KNL1: variants seen among roughly 807,000 people sequenced by gnomAD.
KNL1 encodes outer kinetochore KNL1 complex subunit KNL1.
KNL1 carries 66 observed loss-of-function variants against 201.3 expected under a neutral mutation model. The ratio of observed to expected loss-of-function variants is 0.33; its 90% confidence interval spans 0.27 to 0.40. The LOEUF (loss-of-function observed/expected upper bound fraction) is 0.40, where lower values mean the gene tolerates loss of function less well. Ranked by LOEUF, KNL1 falls within the 10% of genes least tolerant of loss-of-function variation. The pLI is 1.00. For synonymous variants in KNL1, 895 were observed against 899.2 expected (o/e 1.00, Z 0.08); for missense variants, 2,815 against 2,690.5 (o/e 1.05, Z -1.02).
rs572970074 is a variant in KNL1, at chr15:40,606,819, G to T, written c.135+367G>T. On this transcript the variant is annotated intron_variant, in intron 4 of 25. Transcript: ENST00000399668. ...CTGTTGCCCAGACTGGAGTACAATG[G>T]TGCGATCATGGCTCACTGCAACCTC... is the stretch of plus-strand genomic sequence containing the variant. Among the ~76,000 whole-genome samples, 9 of 152,226 alleles carry T rather than the reference G, an allele frequency of 5.9e-5. No individual in the cohort carries two copies. In the East Asian group the frequency reaches 1.7e-3, roughly 29 times the overall value.
intron 4 of KNL1, among the ~76,000 whole-genome samples, chr15:40,606,823 G>A (rs8037881): frequency 0.012 from 1,872 of 152,178 alleles, 34 homozygotes; most frequent in African/African-American, 0.043. Context: ...ACAATGGTGC[G>A]ATCATGGCTC....
At chr15:40,613,130 C>T (rs1350740863) in intron 7 of KNL1, among the ~76,000 whole-genome samples, 1 of 151,548 alleles carries the variant, frequency 6.6e-6, no homozygotes, top group Non-Finnish European at 1.5e-5. Flanking sequence ...ACTATGCAGC[C>T]GGAAAAAAAA....
intron 17 of KNL1, among the ~76,000 whole-genome samples, chr15:40,647,772 TTTG>T (rs1368161974): frequency 1.3e-5 from 2 of 152,258 alleles, no homozygotes; most frequent in Non-Finnish European, 2.9e-5. Context: ...TCTTTCAGCA[TTTG>T]ACACTGATGA....
chr15:40,652,195 A>G, intron 21 of KNL1, 90 bp downstream of exon 21: 2 of 754,568 alleles, frequency 2.7e-6, no homozygotes, highest in Non-Finnish European at 4.4e-6. Context: ...TATACTGATA[A>G]CTATTGGCAT....
rs909177354 is a variant in KNL1, at chr15:40,622,011, G to C, written c.1747G>C (p.Gly583Arg). 6 of 1,613,940 alleles carry C rather than the reference G, an allele frequency of 3.7e-6. No individual in the cohort carries two copies. The highest frequency in any genetic ancestry group is 4.2e-6 in the Non-Finnish European group (5 of 1,179,976). The stretch of plus-strand genomic sequence containing the variant: ...GACTGAAAGTCACACAAGTAACTTA[G>C]GAAGTCAGGTTCCTCTTGCAGCTTA... ...DLTESHTSNL[G>R]SQVPLAAYNL... The change falls in exon 10 of 26, where the codon GGA becomes CGA. Residue 583 changes from glycine to arginine, a missense_variant. By Grantham distance (125) the Gly-to-Arg change is moderately radical. Transcript: ENST00000399668.
chr15:40,663,701 A>C lies in KNL1; in HGVS notation c.*1513A>C, dbSNP rs1893977398. ...TCATACATATTATTAAATGACCAAT[A>C]TTATGTATGAAGTAGACAAAAAAAT... On this transcript the variant is annotated 3_prime_UTR_variant, in exon 26 of 26. Transcript: ENST00000399668. 2 of 194,456 alleles carry C rather than the reference A, an allele frequency of 1.0e-5. No individual in the cohort carries two copies. Among genetic ancestry groups the C allele is most frequent in the Non-Finnish European group, 2.1e-5 (2 of 93,404 alleles). 12.0% of individuals were successfully genotyped at this position (194,456 alleles called of 1,614,324 possible). A position where few individuals can be genotyped will look rare whatever the true frequency, so the allele number is the denominator to read the frequency against.
Position 40,624,606 on chromosome 15 carries a change from G to A in KNL1, c.4342G>A (p.Asp1448Asn), listed in dbSNP as rs748595533. ...YVIPQPHFSTDQPPLPKKGQS... is the reference protein window; with the variant it reads ...YVIPQPHFSTNQPPLPKKGQS... The stretch of plus-strand genomic sequence containing the variant: ...TATTCCTCAGCCTCATTTCTCAACC[G>A]ACCAACCTCCATTACCTAAAAAAGG... The change falls in exon 10 of 26, where the codon GAC (aspartate) becomes AAC (asparagine). Residue 1448 changes from aspartate (D) to asparagine (N), a missense_variant. Around this residue, in one of 3 missense-constraint regions of KNL1, gnomAD observed 2,464 missense variants for 2,291.7 expected, o/e 1.08. Transcript: ENST00000399668. 8.7e-6 allele frequency: 14 copies of A among 1,613,632 alleles called. No individual in the cohort carries two copies. Among genetic ancestry groups the A allele is most frequent in the African/African-American group, 2.7e-5 (2 of 74,876 alleles).
chr15:40,651,973 G>T (rs375960767), intron 20 of KNL1, 32 bp from the exon 21 acceptor site: 1 of 1,502,214 alleles, frequency 6.7e-7, no homozygotes, highest in Non-Finnish European at 9.2e-7. Flanking sequence ...TTTTAAAAAC[G>T]CTTTTTAAAA....
intron 3 of KNL1, among the ~76,000 whole-genome samples, chr15:40,605,585 G>A (rs1891945097): frequency 6.6e-6 from 1 of 152,104 alleles, no homozygotes; most frequent in Non-Finnish European, 1.5e-5. Context: ...CTGAGTAGCT[G>A]GAATTACAAG....
intron 13 of KNL1, among the ~76,000 whole-genome samples, chr15:40,638,577 C>T (rs1461355362): frequency 6.6e-6 from 1 of 151,868 alleles, no homozygotes; most frequent in Non-Finnish European, 1.5e-5. Flanking sequence ...CTGCAACCTC[C>T]GCCTCCCGGG....
chr15:40,642,259 C>T lies in KNL1; in HGVS notation c.5798+1232C>T, dbSNP rs151059772. Among the ~76,000 whole-genome samples the T allele has an allele frequency of 4.5e-3, 679 of 152,008 alleles. 5 individuals carry two copies. Among genetic ancestry groups the T allele is most frequent in the East Asian group, 0.026 (134 of 5,142 alleles). On this transcript the variant is annotated intron_variant, in intron 14 of 25. Coordinates refer to ENST00000399668, the MANE Select transcript of KNL1 (RefSeq NM_144508.5). ...CTAAAAATACGAAAAATTAGCCGGG[C>T]GCGGTAGCAGGCACTTGTAGTCCCA...
At chr15:40,641,388 G>A (rs1693942513) in intron 14 of KNL1, among the ~76,000 whole-genome samples, 2 of 152,146 alleles carry the variant, frequency 1.3e-5, no homozygotes, top group African/African-American at 2.4e-5. Flanking sequence ...GTAATTTTTA[G>A]ATTATGATAT....
intron 10 of KNL1, among the ~76,000 whole-genome samples, chr15:40,626,584 ATTTATTTATTT>A (rs1892760244): frequency 6.7e-6 from 1 of 149,668 alleles, no homozygotes. Context: ...ATATTTATTC[ATTTATTTATTT>A]TTGAGACAGA....
At chr15:40,651,220 C>A (rs1171228425) in intron 19 of KNL1, among the ~76,000 whole-genome samples, 1 of 150,204 alleles carries the variant, frequency 6.7e-6, no homozygotes, top group Admixed American at 6.7e-5. Context: ...CCAAGGATAT[C>A]TTCATGGATC....
chr15:40,663,287 C>A lies in KNL1; in HGVS notation c.*1099C>A, dbSNP rs1893964432. The stretch of plus-strand genomic sequence containing the variant: ...TGTTAGCCAGGATGGTCTCGATCTC[C>A]TGACCTCGTGATCCGCCTGCCTCGG... On this transcript the variant is annotated 3_prime_UTR_variant, in exon 26 of 26. Coordinates refer to ENST00000399668, the MANE Select transcript of KNL1 (RefSeq NM_144508.5). 1 of 171,326 alleles carries A rather than the reference C, an allele frequency of 5.8e-6. No individual in the cohort carries two copies. The highest frequency in any genetic ancestry group is 1.3e-5 in the Non-Finnish European group (1 of 79,112). 10.6% of individuals were successfully genotyped at this position (171,326 alleles called of 1,614,324 possible). A position where few individuals can be genotyped will look rare whatever the true frequency, so the allele number is the denominator to read the frequency against.
chr15:40,616,958 TA>T (rs1892362756), intron 8 of KNL1, among the ~76,000 whole-genome samples: 1 of 152,250 alleles, frequency 6.6e-6, no homozygotes, highest in African/African-American at 2.4e-5. Context: ...TATTTCATTT[TA>T]TTTTTTTGAG....
In KNL1 at chr15:40,637,057, T is replaced by G. The variant is rs540050543; in HGVS notation, c.5683-3855T>G. On this transcript the variant is annotated intron_variant, in intron 13 of 25. Transcript: ENST00000399668. ...CTGATCGTCTTATGCCTTTTTTTTTTCCCCAGTTTGTTTTCTTGGGATCCA... is the reference window on the plus strand; with the variant it reads ...CTGATCGTCTTATGCCTTTTTTTTTGCCCCAGTTTGTTTTCTTGGGATCCA... 2.6e-5 allele frequency among the ~76,000 whole-genome samples: 4 copies of G among 152,136 alleles called. No homozygotes were observed. The East Asian group carries it at 7.7e-4, about 29-fold the overall frequency.
chr15:40,610,110 G>A (rs577231202), intron 5 of KNL1, 135 bp from the exon 6 acceptor site: 1 of 535,490 alleles, frequency 1.9e-6, no homozygotes, highest in Non-Finnish European at 3.3e-6. Context: ...GAAATACTAG[G>A]AGTATATGGC....
At chr15:40,616,898 A>G (rs1456549211) in intron 8 of KNL1, among the ~76,000 whole-genome samples, 2 of 152,180 alleles carry the variant, frequency 1.3e-5, no homozygotes, top group Non-Finnish European at 2.9e-5. Context: ...AATTATTTGC[A>G]GTTCACTATA....
Sources: gnomAD v4.1 joint callset for allele counts (sites outside exome capture counted in the v4.1 genomes callset) on GRCh38, gnomAD v4.1.1 for gene constraint, gnomAD v4.1.1 regional missense constraint, MANE v1.5 for transcripts, NCBI Gene and HGNC (gene_info 2026-07-23, HGNC 2026-07-21) for gene names.